Variants in MYO18B observed in about 807,000 individuals in gnomAD.
MYO18B encodes unconventional myosin-XVIIIb.
Under a neutral mutation model 273.0 loss-of-function variants are expected in MYO18B, and 204 were observed. The ratio of observed to expected loss-of-function variants is 0.75; its 90% CI spans 0.67 to 0.84. The LOEUF is 0.84. Ranked by LOEUF, MYO18B falls within the 40% of genes least tolerant of loss-of-function variation. The pLI, the probability that MYO18B is intolerant of heterozygous loss-of-function variation, is 0.00. For synonymous variants in MYO18B, 1,330 were observed against 1,305.7 expected (o/e 1.02, Z -0.40); for missense variants, 3,212 against 3,287.6 (o/e 0.98, Z 0.56).
intron 11 of MYO18B, among the ~76,000 whole-genome samples, chr22:25,793,389 C>T (rs1268251704): frequency 6.6e-6 from 1 of 152,118 alleles, no homozygotes; most frequent in Non-Finnish European, 1.5e-5. Flanking sequence ...GACATATCAC[C>T]ATGCCTGGAT....
intron 25 of MYO18B, among the ~76,000 whole-genome samples, chr22:25,879,194 A>G (rs5761294): frequency 0.35 from 53,209 of 152,090 alleles, 9,898 homozygotes; most frequent in East Asian, 0.5. Context: ...TCATGTTACA[A>G]TGGCAGGGCT....
chr22:25,943,190 A>G (rs1328361095), intron 34 of MYO18B, among the ~76,000 whole-genome samples: 1 of 152,036 alleles, frequency 6.6e-6, no homozygotes, highest in Non-Finnish European at 1.5e-5. Context: ...CTCTTCCACC[A>G]TTAGTTATCT....
At chr22:25,987,907 C>T (rs1347129667) in intron 39 of MYO18B, among the ~76,000 whole-genome samples, 1 of 152,118 alleles carries the variant, frequency 6.6e-6, no homozygotes, top group African/African-American at 2.4e-5. Flanking sequence ...GCTATCTATG[C>T]ATCTAACTAT....
chr22:25,811,711 C>G (rs896430730), intron 12 of MYO18B, among the ~76,000 whole-genome samples: 1 of 152,202 alleles, frequency 6.6e-6, no homozygotes, highest in Non-Finnish European at 1.5e-5. Flanking sequence ...CTGCAGGGGA[C>G]TGTCCAGAAT....
chr22:26,005,764 C>T (rs906465553), intron 42 of MYO18B, among the ~76,000 whole-genome samples: 14 of 152,134 alleles, frequency 9.2e-5, no homozygotes, highest in Non-Finnish European at 1.6e-4. Context: ...TGACTCAAAA[C>T]GTGTTTGCTT....
At chr22:25,855,360 C>T (rs938224940) in intron 21 of MYO18B, among the ~76,000 whole-genome samples, 3 of 149,068 alleles carry the variant, frequency 2.0e-5, no homozygotes, top group Admixed American at 6.8e-5. Flanking sequence ...CTTGGCTCAC[C>T]GCAAGCTCTG....
intron 12 of MYO18B, among the ~76,000 whole-genome samples, chr22:25,812,480 A>G (rs919225790): frequency 6.6e-6 from 1 of 151,970 alleles, no homozygotes; most frequent in Non-Finnish European, 1.5e-5. Flanking sequence ...TGCTGATTAG[A>G]GTTGGTATCT....
In MYO18B at chr22:26,026,880, G is replaced by T; in HGVS notation, c.6906G>T (p.Ser2302=). Residue 2302 remains serine (S), a synonymous_variant, in exon 43 of 44, where the codon TCG becomes TCT. Transcript: ENST00000335473. The stretch of plus-strand genomic sequence containing the variant: ...CTGGCAGTGACGAGGGAAACCTCTC[G>T]CTGAGGGTTGGGGCAAAGTCACCCC... ...GRAGSDEGNL[S]LRVGAKSPLE... The T allele has an allele frequency of 6.3e-7, 1 of 1,599,886 alleles. No homozygotes were observed. The highest frequency in any genetic ancestry group is 1.1e-5 in the South Asian group (1 of 88,790).
intron 2 of MYO18B, 82 bp downstream of exon 2, chr22:25,761,213 C>G: frequency 1.4e-6 from 2 of 1,463,168 alleles, no homozygotes; most frequent in Non-Finnish European, 1.9e-6. Flanking sequence ...CCTTTCCCAC[C>G]TTGAGTGGGG....
At chr22:25,962,437 C>T (rs1209018778) in intron 39 of MYO18B, among the ~76,000 whole-genome samples, 1 of 152,182 alleles carries the variant, frequency 6.6e-6, no homozygotes, top group Non-Finnish European at 1.5e-5. Context: ...ATAATTTTCT[C>T]AGCATTTTGA....
At chr22:25,965,356 A>G (rs2092966158) in intron 39 of MYO18B, among the ~76,000 whole-genome samples, 1 of 152,218 alleles carries the variant, frequency 6.6e-6, no homozygotes, top group African/African-American at 2.4e-5. Flanking sequence ...CCCTCGAAGG[A>G]AAAAGCCCAT....
chr22:25,946,913 T>C (rs2092718805), intron 35 of MYO18B, among the ~76,000 whole-genome samples: 1 of 152,178 alleles, frequency 6.6e-6, no homozygotes, highest in South Asian at 2.1e-4. Flanking sequence ...CATGGACATA[T>C]ATTGTCGATG....
chr22:25,787,076 G>A (rs1161621896), intron 11 of MYO18B, among the ~76,000 whole-genome samples: 1 of 152,082 alleles, frequency 6.6e-6, no homozygotes, highest in Non-Finnish European at 1.5e-5. Context: ...TTAGCTGAGC[G>A]TGGTGGCACA....
intron 22 of MYO18B, among the ~76,000 whole-genome samples, chr22:25,869,449 C>CAAAAAAAAA: frequency 1.7e-5 from 1 of 58,120 alleles, no homozygotes; most frequent in Non-Finnish European, 3.0e-5. Context: ...TACTGTGTCT[C>CAAAAAAAAA]AAAAAAAAAA....
intron 25 of MYO18B, 52 bp downstream of exon 25, chr22:25,878,100 G>A (rs2091250815): frequency 7.2e-7 from 1 of 1,398,344 alleles, no homozygotes; most frequent in Non-Finnish European, 9.9e-7. Context: ...ATGTATGTGA[G>A]ATCTGTTTAA....
In MYO18B at chr22:25,769,016, A is replaced by G. The variant is rs2086615944; in HGVS notation, c.1100A>G (p.Asp367Gly). 6.2e-7 allele frequency: 1 copy of G among 1,611,192 alleles called. No homozygotes were observed. The highest frequency in any genetic ancestry group is 8.5e-7 in the Non-Finnish European group (1 of 1,178,636). Residue 367 changes from aspartate (D) to glycine (G), a missense_variant, in exon 4 of 44, where the codon GAC (aspartate) becomes GGC (glycine). By Grantham distance (94) the Asp-to-Gly change is moderately conservative. Transcript: ENST00000335473. ...KTSQVQGELG[D>G]DLRMGEKAGE... ...AGCCAAGTGCAGGGCGAGTTGGGGG[A>G]CGATCTGAGAATGGGGGAGAAAGCA...
At chr22:25,809,241 C>T (rs1288989117) in intron 12 of MYO18B, among the ~76,000 whole-genome samples, 1 of 152,152 alleles carries the variant, frequency 6.6e-6, no homozygotes, top group East Asian at 1.9e-4. Context: ...CCAGCCTGGG[C>T]TGGTCTTTAA....
intron 11 of MYO18B, among the ~76,000 whole-genome samples, chr22:25,797,507 C>G (rs951521014): frequency 4.6e-5 from 7 of 152,186 alleles, no homozygotes; most frequent in African/African-American, 7.2e-5. Flanking sequence ...TACCTCTAGG[C>G]CCTACCTATA....
intron 21 of MYO18B, among the ~76,000 whole-genome samples, chr22:25,854,950 A>G (rs1373846381): frequency 6.6e-6 from 1 of 151,958 alleles, no homozygotes; most frequent in East Asian, 1.9e-4. Context: ...TTCCTTTTCA[A>G]CTTTTATTTT....
Sources: allele counts gnomAD v4.1 joint callset (sites outside exome capture counted in the v4.1 genomes callset), GRCh38; gene constraint gnomAD v4.1.1; transcripts MANE v1.5; gene names NCBI Gene and HGNC (gene_info 2026-07-23, HGNC 2026-07-21).